STK3: variants seen among roughly 807,000 people sequenced by gnomAD.
STK3 encodes the protein serine/threonine kinase 3, also known as serine/threonine-protein kinase 3.
A neutral mutation model predicts 58.0 loss-of-function variants in STK3; 41 were observed. The observed-to-expected ratio is 0.71, with a 90% CI of 0.55 to 0.92. The LOEUF (loss-of-function observed/expected upper bound fraction) is 0.92, where lower values mean the gene tolerates loss of function less well. Ranked by LOEUF, STK3 falls within the 40% of genes least tolerant of loss-of-function variation. The probability of loss-of-function intolerance (pLI) is 0.00; values close to 1 mark genes in which losing one functional copy is unlikely to be tolerated. For synonymous variants in STK3, 170 were observed against 191.0 expected (o/e 0.89, Z 0.91); for missense variants, 479 against 602.7 (o/e 0.79, Z 2.15).
At chr8:98,936,146 C>T (rs1225332632) in intron 1 of STK3, among the ~76,000 whole-genome samples, 1 of 152,102 alleles carries the variant, frequency 6.6e-6, no homozygotes, top group Non-Finnish European at 1.5e-5. Context: ...TCTCGATCTC[C>T]TAAGCTTGTG....
intron 3 of STK3, among the ~76,000 whole-genome samples, chr8:98,843,988 C>T (rs558346980): frequency 6.6e-5 from 10 of 152,236 alleles, no homozygotes; most frequent in Admixed American, 3.9e-4. Flanking sequence ...AATGGGACTG[C>T]GTCTCTTAGA....
Position 98,605,551 on chromosome 8 carries a change from C to T in STK3, c.685-9382G>A, listed in dbSNP as rs1444294493. Among the ~76,000 whole-genome samples the T allele has an allele frequency of 2.0e-5, 3 of 151,114 alleles. No homozygotes were observed. The East Asian group carries it at 5.9e-4, about 29-fold the overall frequency. On this transcript the variant is annotated intron_variant, in intron 6 of 10. Transcript: ENST00000419617. Reference sequence around the variant, plus strand: ...TGCCCATTTATGGTGATAACAACTTCTTCCTCTCTTACTTCCTCCCTCTCT... The same window carrying T: ...TGCCCATTTATGGTGATAACAACTTTTTCCTCTCTTACTTCCTCCCTCTCT...
At chr8:98,802,449 G>A (rs1005363438) in intron 1 of STK3, among the ~76,000 whole-genome samples, 2 of 152,092 alleles carry the variant, frequency 1.3e-5, no homozygotes, top group Admixed American at 1.3e-4. Flanking sequence ...AAATAATAAA[G>A]GATGCAGTAT....
At chr8:98,354,340 G>T in the STK3 span, among the ~76,000 whole-genome samples, 1 of 152,120 alleles carries the variant, frequency 6.6e-6, no homozygotes, top group Non-Finnish European at 1.5e-5. Flanking sequence ...TGGCCAATGA[G>T]ACTTCTGAGA....
At chr8:98,674,554 T>C (rs1174360523) in intron 6 of STK3, among the ~76,000 whole-genome samples, 3 of 152,122 alleles carry the variant, frequency 2.0e-5, no homozygotes, top group Non-Finnish European at 4.4e-5. Flanking sequence ...AAAAAAGCAT[T>C]CTATATATCA....
At chr8:98,778,342 A>G (rs1389435581) in intron 1 of STK3, among the ~76,000 whole-genome samples, 2 of 152,112 alleles carry the variant, frequency 1.3e-5, no homozygotes. Context: ...ACCATCTCAC[A>G]CCAGTTAGAA....
At chr8:98,738,967 G>T (rs192987690) in intron 4 of STK3, among the ~76,000 whole-genome samples, 1 of 152,344 alleles carries the variant, frequency 6.6e-6, no homozygotes, top group Admixed American at 6.5e-5. Context: ...AGGGTCCTAC[G>T]CCCAAGGAGT....
intron 1 of STK3, among the ~76,000 whole-genome samples, chr8:98,823,466 A>C (rs1247516045): frequency 6.6e-6 from 1 of 152,224 alleles, no homozygotes; most frequent in Admixed American, 6.5e-5. Context: ...TGTATACAAC[A>C]AGAGGGTGCA....
intron 2 of STK3, among the ~76,000 whole-genome samples, chr8:98,770,549 A>G (rs1211987956): frequency 6.6e-6 from 1 of 152,210 alleles, no homozygotes; most frequent in Non-Finnish European, 1.5e-5. Flanking sequence ...AAAGTGGCCC[A>G]TATTAAGTGA....
intron 2 of STK3, among the ~76,000 whole-genome samples, chr8:98,769,355 T>G (rs1563981286): frequency 6.6e-6 from 1 of 152,140 alleles, no homozygotes; most frequent in Non-Finnish European, 1.5e-5. Flanking sequence ...TCCCATGCTG[T>G]TCTCATGATA....
In STK3 at chr8:98,465,578, C is replaced by T. The variant is rs571711105; in HGVS notation, c.1318-9578G>A. Among the ~76,000 whole-genome samples the T allele has an allele frequency of 2.0e-5, 3 of 152,274 alleles. No individual in the cohort carries two copies. In the East Asian group the frequency reaches 5.8e-4, roughly 29 times the overall value. On this transcript the variant is annotated intron_variant, in intron 10 of 10. Transcript: ENST00000419617. ...TTAACCAGCTCTTTAGCCAAAGAAA[C>T]ACATTTCTACATAGCCCTTTGGGAT...
intron 3 of STK3, among the ~76,000 whole-genome samples, chr8:98,859,914 C>G (rs975908402): frequency 1.3e-5 from 2 of 152,184 alleles, no homozygotes; most frequent in African/African-American, 4.8e-5. Flanking sequence ...GTGTGCTTAC[C>G]TACTTGAGCT....
intron 6 of STK3, among the ~76,000 whole-genome samples, chr8:98,669,875 C>T (rs943308608): frequency 2.6e-5 from 4 of 152,150 alleles, no homozygotes; most frequent in Admixed American, 6.5e-5. Context: ...CCCTTTCAAA[C>T]GATAGAAGAT....
At chr8:98,886,114 G>A (rs1440625598) in intron 1 of STK3, among the ~76,000 whole-genome samples, 2 of 152,190 alleles carry the variant, frequency 1.3e-5, no homozygotes, top group Non-Finnish European at 2.9e-5. Flanking sequence ...TGGTAGAACA[G>A]TCCTGTATCT....
At chr8:98,387,015 A>G (rs921865214) in intron 1 of STK3, among the ~76,000 whole-genome samples, 5 of 152,200 alleles carry the variant, frequency 3.3e-5, no homozygotes, top group Non-Finnish European at 5.9e-5. Context: ...TAAAACAAAA[A>G]TTAATTAGGA....
At chr8:98,392,701 T>C (rs1271733783), upstream of STK3, among the ~76,000 whole-genome samples, 2 of 152,142 alleles carry the variant, frequency 1.3e-5, no homozygotes, top group African/African-American at 2.4e-5. Context: ...ATGATACTGG[T>C]TTCTACTCCT....
intron 9 of STK3, among the ~76,000 whole-genome samples, chr8:98,546,953 T>C (rs540695215): frequency 2.6e-4 from 40 of 152,238 alleles, no homozygotes; most frequent in African/African-American, 9.4e-4. Flanking sequence ...CCACGTGACT[T>C]GAAGTTATGG....
At chr8:98,856,913 T>A (rs974475870) in intron 3 of STK3, among the ~76,000 whole-genome samples, 1 of 152,164 alleles carries the variant, frequency 6.6e-6, no homozygotes, top group South Asian at 2.1e-4. Context: ...ATAACATAGA[T>A]GAACCTTGAA....
chr8:98,523,763 C>T (rs1444604902), intron 10 of STK3, among the ~76,000 whole-genome samples: 1 of 152,046 alleles, frequency 6.6e-6, no homozygotes, highest in Non-Finnish European at 1.5e-5. Context: ...GAATATTAAC[C>T]TCTTATCAGA....
Sources: gnomAD v4.1 joint callset for allele counts (sites outside exome capture counted in the v4.1 genomes callset) on GRCh38, gnomAD v4.1.1 for gene constraint, MANE v1.5 for transcripts, NCBI Gene and HGNC (gene_info 2026-07-23, HGNC 2026-07-21) for gene names.